Variants in KRABD5 observed in about 807,000 individuals in gnomAD.
KRABD5 encodes the protein KRAB domain containing 5, also known as KRAB domain-containing protein 5.
chr16:31,742,205 A>AG, the KRABD5 span, among the ~76,000 whole-genome samples: 1 of 150,982 alleles, frequency 6.6e-6, no homozygotes, highest in Admixed American at 6.6e-5. Flanking sequence ...AAAAAAAAAA[A>AG]GATGGGGGAT....
At chr16:31,733,575 G>C in the KRABD5 span, 1 of 456,092 alleles carries the variant, frequency 2.2e-6, no homozygotes, top group Non-Finnish European at 4.4e-6. Context: ...AGCTCCTGAA[G>C]AGCACCATTC....
chr16:31,729,238 G>C, the KRABD5 span, among the ~76,000 whole-genome samples: 18 of 152,270 alleles, frequency 1.2e-4, 1 homozygote, highest in Admixed American at 2.6e-4. Context: ...TTCAGCCACT[G>C]TCTGTTTTAA....
the KRABD5 span, chr16:31,754,014 A>G: frequency 7.8e-7 from 1 of 1,283,996 alleles, no homozygotes; most frequent in East Asian, 2.5e-5. Flanking sequence ...AACTCAATTT[A>G]TGTCAGTTGC....
the KRABD5 span, among the ~76,000 whole-genome samples, chr16:31,721,740 C>G: frequency 6.6e-6 from 1 of 152,212 alleles, no homozygotes. Context: ...ATAAAACTCT[C>G]AATTCCACAT....
At chr16:31,726,262 T>C in the KRABD5 span, among the ~76,000 whole-genome samples, 1 of 152,248 alleles carries the variant, frequency 6.6e-6, no homozygotes, top group Non-Finnish European at 1.5e-5. Flanking sequence ...CTTGGTGCCC[T>C]TGTCAAAGAG....
the KRABD5 span, among the ~76,000 whole-genome samples, chr16:31,720,682 C>T: frequency 1.3e-5 from 2 of 152,178 alleles, no homozygotes; most frequent in East Asian, 3.8e-4. Flanking sequence ...TCATTACAGT[C>T]GATGCTAACT....
the KRABD5 span, among the ~76,000 whole-genome samples, chr16:31,739,953 A>C: frequency 1.8e-5 from 2 of 111,006 alleles, no homozygotes; most frequent in Non-Finnish European, 3.4e-5. Context: ...GCCAGAGCCC[A>C]TCCCTTTATT....
the KRABD5 span, chr16:31,760,731 C>A: frequency 6.6e-6 from 1 of 152,098 alleles, no homozygotes; most frequent in Non-Finnish European, 1.5e-5. Flanking sequence ...AATACTAAAT[C>A]TGAAAATACT....
At chr16:31,714,006 T>C in the KRABD5 span, among the ~76,000 whole-genome samples, 1 of 152,214 alleles carries the variant, frequency 6.6e-6, no homozygotes, top group Non-Finnish European at 1.5e-5. Flanking sequence ...AGAAAACGAA[T>C]ACATTTCCAC....
the KRABD5 span, among the ~76,000 whole-genome samples, chr16:31,729,785 CT>C: frequency 2.0e-5 from 3 of 151,274 alleles, no homozygotes; most frequent in Admixed American, 6.6e-5. Flanking sequence ...TGATTACTTT[CT>C]TTTTTTCTTG....
chr16:31,724,275 T>C, the KRABD5 span, among the ~76,000 whole-genome samples: 1 of 152,166 alleles, frequency 6.6e-6, no homozygotes, highest in African/African-American at 2.4e-5. Flanking sequence ...ATTTAAGAGG[T>C]GCATCCTGAT....
the KRABD5 span, among the ~76,000 whole-genome samples, chr16:31,746,005 A>G: frequency 6.6e-6 from 1 of 152,002 alleles, no homozygotes; most frequent in Admixed American, 6.6e-5. Context: ...TTTAGAGCCT[A>G]TATGTGTCTT....
the KRABD5 span, among the ~76,000 whole-genome samples, chr16:31,724,746 A>G: frequency 6.6e-6 from 1 of 152,052 alleles, no homozygotes; most frequent in Non-Finnish European, 1.5e-5. Context: ...TCTCAAGTAT[A>G]TATGAGTATT....
the KRABD5 span, chr16:31,722,598 G>T: frequency 2.5e-6 from 4 of 1,610,602 alleles, no homozygotes; most frequent in South Asian, 2.2e-5. Context: ...TGGCCACATG[G>T]TCAATGTGCT....
At chr16:31,733,039 A>G in the KRABD5 span, among the ~76,000 whole-genome samples, 1 of 151,868 alleles carries the variant, frequency 6.6e-6, no homozygotes, top group African/African-American at 2.4e-5. Flanking sequence ...AGATCAGTTA[A>G]TTGTATTTTT....
chr16:31,742,623 C>T, the KRABD5 span, among the ~76,000 whole-genome samples: 3 of 152,124 alleles, frequency 2.0e-5, no homozygotes, highest in Non-Finnish European at 4.4e-5. Context: ...AGCAAACATA[C>T]GTGTGCATGT....
At chr16:31,740,950 A>G in the KRABD5 span, among the ~76,000 whole-genome samples, 2 of 152,142 alleles carry the variant, frequency 1.3e-5, no homozygotes, top group East Asian at 3.8e-4. Context: ...TGCCTAATAG[A>G]TAGTTTTTCA....
the KRABD5 span, chr16:31,713,258 G>T: frequency 1.5e-4 from 120 of 774,272 alleles, 1 homozygote; most frequent in South Asian, 1.9e-3. Flanking sequence ...TTTGGCGGTG[G>T]CCTTTGTTGG....
At chr16:31,744,602 T>C in the KRABD5 span, among the ~76,000 whole-genome samples, 1 of 152,202 alleles carries the variant, frequency 6.6e-6, no homozygotes, top group African/African-American at 2.4e-5. Context: ...GTTGTCTCTC[T>C]TCCCAGTTTT....
Sources: gnomAD v4.1 joint callset for allele counts (sites outside exome capture counted in the v4.1 genomes callset) on GRCh38, gnomAD v4.1.1 for gene constraint, MANE v1.5 for transcripts, NCBI Gene and HGNC (gene_info 2026-07-23, HGNC 2026-07-21) for gene names.